The following SMG1 variants were observed in gnomAD, a reference collection of about 807,000 sequenced individuals.
SMG1 encodes the protein SMG1 nonsense mediated mRNA decay associated PI3K related kinase.
In SMG1, 22 loss-of-function variants were observed where a neutral mutation model predicts 419.9. That is an observed-to-expected ratio of 0.05 (90% CI 0.04 to 0.07). The LOEUF (loss-of-function observed/expected upper bound fraction) is 0.07, where lower values mean the gene tolerates loss of function less well. Among genes scored for constraint, SMG1 ranks in the 10% least tolerant of loss-of-function variants. The pLI is 1.00. For synonymous variants in SMG1, 1,538 were observed against 1,553.5 expected (o/e 0.99, Z 0.23); for missense variants, 3,185 against 4,342.0 (o/e 0.73, Z 7.49).
intron 38 of SMG1, among the ~76,000 whole-genome samples, chr16:18,847,142 T>C (rs919433332): frequency 2.6e-5 from 4 of 152,220 alleles, no homozygotes; most frequent in African/African-American, 9.6e-5. Flanking sequence ...ATGGATAGTT[T>C]ATGTTTCTAC....
intron 38 of SMG1, among the ~76,000 whole-genome samples, chr16:18,847,160 A>C (rs1049779727): frequency 6.6e-6 from 1 of 152,212 alleles, no homozygotes; most frequent in Non-Finnish European, 1.5e-5. Context: ...TACTTCTATG[A>C]GGTAGCTAAA....
rs71141072 is a variant in SMG1, at chr16:18,844,008, T to TACACAC, written c.6219+1415_6219+1420dup. On this transcript the variant is annotated intron_variant, in intron 39 of 62. Coordinates refer to ENST00000446231, the MANE Select transcript of SMG1 (RefSeq NM_015092.5). ...TCATTTTAAAAATTTTCTATGATTATACACACACACACACACACGTGCGCA... is the reference window on the plus strand; with the variant it reads ...TCATTTTAAAAATTTTCTATGATTATACACACACACACACACACACACACGTGCGCA... Among the ~76,000 whole-genome samples, 1,008 of 150,826 alleles carry TACACAC rather than the reference T, an allele frequency of 6.7e-3. 9 individuals are homozygous for TACACAC. The highest frequency in any genetic ancestry group is 0.021 in the African/African-American group (880 of 41,112).
chr16:18,901,717 G>T (rs1176711544), intron 1 of SMG1, among the ~76,000 whole-genome samples: 2 of 152,272 alleles, frequency 1.3e-5, no homozygotes, highest in South Asian at 4.1e-4. Flanking sequence ...GCTCACACCT[G>T]TAATCCCAGC....
intron 54 of SMG1, among the ~76,000 whole-genome samples, chr16:18,828,660 A>G (rs532004213): frequency 1.3e-5 from 2 of 152,366 alleles, no homozygotes; most frequent in South Asian, 2.1e-4. Flanking sequence ...TACTTTAGAA[A>G]TAAATACAGG....
chr16:18,858,357 A>T (rs1426380160), intron 28 of SMG1, 67 bp from the exon 29 acceptor site: 6 of 1,461,942 alleles, frequency 4.1e-6, no homozygotes, highest in Non-Finnish European at 4.6e-6. Context: ...GATATATAGC[A>T]AGTCTTAAGT....
intron 1 of SMG1, among the ~76,000 whole-genome samples, chr16:18,917,439 A>T (rs561768637): frequency 6.6e-6 from 1 of 151,964 alleles, no homozygotes; most frequent in East Asian, 2.0e-4. Context: ...ATGAGCCACC[A>T]TACATACACA....
rs1596447867 is a variant in SMG1, at chr16:18,809,460, C to G, written c.*109G>C. 1.3e-6 allele frequency: 1 copy of G among 790,876 alleles called. No individual in the cohort carries two copies. The highest frequency in any genetic ancestry group is 2.7e-5 in the East Asian group (1 of 37,336). The allele number at this position is 790,876 out of a possible 1,614,324, so 49.0% of individuals were successfully genotyped here. ...TTTCCTAGGTTTCCTCAGAGTAAGC[C>G]CCCAGTTGCATCACCACCGACTGTG... On this transcript the variant is annotated 3_prime_UTR_variant, in exon 63 of 63. Coordinates refer to ENST00000446231, the MANE Select transcript of SMG1 (RefSeq NM_015092.5).
At chr16:18,828,897 C>T (rs1052055867) in intron 54 of SMG1, among the ~76,000 whole-genome samples, 2 of 151,844 alleles carry the variant, frequency 1.3e-5, no homozygotes, top group African/African-American at 4.8e-5. Context: ...ACTAGGGAGG[C>T]TGAGGAGGGA....
At chr16:18,846,053 A>G (rs1474283850) in intron 38 of SMG1, among the ~76,000 whole-genome samples, 1 of 152,008 alleles carries the variant, frequency 6.6e-6, no homozygotes, top group East Asian at 1.9e-4. Context: ...TGACCTCGTG[A>G]TCCGCCCGCC....
chr16:18,831,222 G>A (rs117707650), intron 51 of SMG1, among the ~76,000 whole-genome samples: 227 of 152,148 alleles, frequency 1.5e-3, no homozygotes, highest in Non-Finnish European at 2.8e-3. Context: ...CATTCCAAAT[G>A]GCTGGAACTA....
chr16:18,820,300 T>C (rs2032407861), intron 55 of SMG1, among the ~76,000 whole-genome samples: 1 of 151,894 alleles, frequency 6.6e-6, no homozygotes, highest in African/African-American at 2.4e-5. Flanking sequence ...CCTCCTGAGC[T>C]CAAGCCATCC....
chr16:18,856,016 A>G (rs1017289416), intron 29 of SMG1, among the ~76,000 whole-genome samples: 2 of 149,166 alleles, frequency 1.3e-5, no homozygotes, highest in Non-Finnish European at 3.0e-5. Context: ...ACTAAGAATC[A>G]TTATTTTCTC....
intron 1 of SMG1, among the ~76,000 whole-genome samples, chr16:18,899,198 C>T (rs1430153476): frequency 2.0e-5 from 3 of 152,096 alleles, no homozygotes; most frequent in South Asian, 2.1e-4. Context: ...ACTGAAGAAA[C>T]CGGGTAATCT....
chr16:18,832,391 A>AT (rs1201143252), intron 51 of SMG1, among the ~76,000 whole-genome samples: 1 of 152,214 alleles, frequency 6.6e-6, no homozygotes, highest in Non-Finnish European at 1.5e-5. Context: ...AACTTACAAT[A>AT]TTTAAACTAA....
chr16:18,892,581 A>G (rs1004798604), intron 3 of SMG1, among the ~76,000 whole-genome samples: 1 of 152,078 alleles, frequency 6.6e-6, no homozygotes, highest in African/African-American at 2.4e-5. Context: ...AAAATTACAT[A>G]AACTAGCCAG....
chr16:18,820,443 A>G (rs527570674), intron 55 of SMG1, among the ~76,000 whole-genome samples: 1 of 151,872 alleles, frequency 6.6e-6, no homozygotes. Context: ...GCCTCAAGCA[A>G]TCCACCCACC....
chr16:18,905,341 C>T (rs568544589), intron 1 of SMG1, among the ~76,000 whole-genome samples: 66 of 152,302 alleles, frequency 4.3e-4, no homozygotes, highest in Non-Finnish European at 8.2e-4. Flanking sequence ...TCTTCGCAGA[C>T]AAACCTGTTG....
rs1279160382 is a variant in SMG1, at chr16:18,926,077, C to T, written c.-36G>A. On this transcript the variant is annotated 5_prime_UTR_variant, in exon 1 of 63. Coordinates refer to ENST00000446231, the MANE Select transcript of SMG1 (RefSeq NM_015092.5). ...GACACGACATGGCCAAGCGCCGCCG[C>T]CCAAAGAAGCGCGAGTCGCCGCCCG... The T allele has an allele frequency of 8.5e-6, 13 of 1,528,186 alleles. No homozygotes were observed. The highest frequency in any genetic ancestry group is 2.0e-5 in the Admixed American group (1 of 50,334). 94.7% of individuals were successfully genotyped at this position (1,528,186 alleles called of 1,614,324 possible).
intron 40 of SMG1, among the ~76,000 whole-genome samples, 166 bp downstream of exon 40, chr16:18,842,042 T>A (rs2141302214): frequency 6.6e-6 from 1 of 152,260 alleles, no homozygotes; most frequent in Middle Eastern, 3.4e-3. Flanking sequence ...CTGCACGGCA[T>A]CCAATCACTG....
Sources: gnomAD v4.1 joint callset for allele counts (sites outside exome capture counted in the v4.1 genomes callset) on GRCh38, gnomAD v4.1.1 for gene constraint, MANE v1.5 for transcripts, NCBI Gene and HGNC (gene_info 2026-07-23, HGNC 2026-07-21) for gene names.